CNGB3: variants seen among roughly 807,000 people sequenced by gnomAD.
CNGB3 encodes cyclic nucleotide-gated channel beta-3.
A neutral mutation model predicts 92.8 loss-of-function variants in CNGB3; 86 were observed. That is an observed-to-expected ratio of 0.93 (90% CI 0.78 to 1.11). The LOEUF is 1.11. CNGB3 is among the 50% of genes least tolerant of loss of function. The pLI, the probability that CNGB3 is intolerant of heterozygous loss-of-function variation, is 0.00. For missense variants in CNGB3, 1,026 were observed against 956.8 expected (o/e 1.07, Z -0.95); for synonymous variants, 333 against 332.7 (o/e 1.00, Z -0.01).
At chr8:86,694,111 TGGCCGGGCG>T (rs1824383827) in intron 3 of CNGB3, among the ~76,000 whole-genome samples, 1 of 100,260 alleles carries the variant, frequency 1.0e-5, no homozygotes, top group African/African-American at 4.0e-5. Flanking sequence ...ACGGGGCGGC[TGGCCGGGCG>T]GGGGGCTGAC....
At position 86,578,883 on chromosome 8, in the gene CNGB3, G is replaced by A; in HGVS notation, c.1929-20C>T. The A allele has an allele frequency of 6.2e-7, 1 of 1,614,042 alleles. No individual in the cohort carries two copies. ...AGCACTCTGTGGGTAAGAGAGAAAA[G>A]CTGTTTTAGGTAACTCTGTGAGAGT... On this transcript the variant is annotated intron_variant, in intron 16 of 17. Transcript: ENST00000320005.
At chr8:86,664,608 C>T (rs114837064) in intron 6 of CNGB3, among the ~76,000 whole-genome samples, 3,350 of 152,256 alleles carry the variant, frequency 0.022, 123 homozygotes, top group African/African-American at 0.077. Flanking sequence ...ATTGGATTGA[C>T]AATAAACTTC....
chr8:86,670,308 A>T (rs138860269), intron 4 of CNGB3, among the ~76,000 whole-genome samples: 1 of 152,098 alleles, frequency 6.6e-6, no homozygotes, highest in African/African-American at 2.4e-5. Context: ...GGTATTTTAA[A>T]TATTTACAAT....
intron 14 of CNGB3, among the ~76,000 whole-genome samples, chr8:86,604,505 G>A (rs1440930048): frequency 2.0e-5 from 3 of 152,170 alleles, no homozygotes; most frequent in Non-Finnish European, 4.4e-5. Flanking sequence ...ACCCTGGGTA[G>A]AGGAAGTAAT....
intron 13 of CNGB3, among the ~76,000 whole-genome samples, chr8:86,624,766 A>G (rs1822811894): frequency 6.6e-6 from 1 of 152,180 alleles, no homozygotes; most frequent in Non-Finnish European, 1.5e-5. Flanking sequence ...TTAACCTGTG[A>G]CATGGCTGGG....
intron 6 of CNGB3, among the ~76,000 whole-genome samples, chr8:86,661,022 G>A (rs1326473671): frequency 6.6e-6 from 1 of 152,088 alleles, no homozygotes; most frequent in African/African-American, 2.4e-5. Context: ...CCTCCCTAAA[G>A]TTCTACTTTC....
chr8:86,727,441 A>G (rs1170221313), intron 2 of CNGB3, among the ~76,000 whole-genome samples: 9 of 152,176 alleles, frequency 5.9e-5, no homozygotes, highest in Non-Finnish European at 1.2e-4. Flanking sequence ...TTTTGTTTTT[A>G]GCTTGACCAT....
At chr8:86,707,394 T>A (rs1212187365) in intron 3 of CNGB3, among the ~76,000 whole-genome samples, 2 of 152,196 alleles carry the variant, frequency 1.3e-5, no homozygotes, top group Non-Finnish European at 2.9e-5. Flanking sequence ...TGGTATTTTC[T>A]ACAGAGTGGT....
At chr8:86,619,728 CTTTTT>C (rs71275868) in intron 13 of CNGB3, among the ~76,000 whole-genome samples, 6 of 73,384 alleles carry the variant, frequency 8.2e-5, no homozygotes, top group African/African-American at 2.6e-4. Flanking sequence ...TGGTCTTGAC[CTTTTT>C]TTTTTTTTTT....
At chr8:86,634,614 G>A (rs1477854199) in intron 10 of CNGB3, among the ~76,000 whole-genome samples, 1 of 151,848 alleles carries the variant, frequency 6.6e-6, no homozygotes, top group East Asian at 1.9e-4. Flanking sequence ...TCCAGGTTTT[G>A]TTACAGAGGG....
In CNGB3 at chr8:86,600,776, A is replaced by ATTTTTT. The variant is rs533111246; in HGVS notation, c.1781+3311_1781+3316dup. Among the ~76,000 whole-genome samples the ATTTTTT allele has an allele frequency of 4.2e-3, 163 of 38,416 alleles. 19 individuals carry two copies. The highest frequency in any genetic ancestry group is 0.011 in the African/African-American group (121 of 10,762). The allele number at this position is 38,416 out of a possible 152,430, so 25.2% of individuals were successfully genotyped here. ...AGGTGCCCACCACCACGCTCGGCTA[A>ATTTTTT]TTTTTTTTTTTTTTTTTTTTTTTTT... On this transcript the variant is annotated intron_variant, in intron 15 of 17. Coordinates refer to ENST00000320005, the MANE Select transcript of CNGB3 (RefSeq NM_019098.5).
At chr8:86,717,071 C>A (rs530876564) in intron 3 of CNGB3, among the ~76,000 whole-genome samples, 2 of 152,134 alleles carry the variant, frequency 1.3e-5, no homozygotes, top group East Asian at 1.9e-4. Context: ...AAAAGCTATT[C>A]TTATATCAGA....
chr8:86,694,551 T>C (rs191993539), intron 3 of CNGB3, among the ~76,000 whole-genome samples: 7 of 148,344 alleles, frequency 4.7e-5, no homozygotes, highest in Non-Finnish European at 7.4e-5. Context: ...GACGGGGTGG[T>C]TGCCAGGCAT....
chr8:86,606,031 G>A (rs895770665), intron 14 of CNGB3, among the ~76,000 whole-genome samples: 5 of 152,008 alleles, frequency 3.3e-5, no homozygotes, highest in Non-Finnish European at 7.4e-5. Context: ...TATATGACTC[G>A]GTAATTAGAA....
intron 10 of CNGB3, among the ~76,000 whole-genome samples, chr8:86,636,476 G>A (rs1174469744): frequency 6.7e-6 from 1 of 149,500 alleles, no homozygotes; most frequent in Non-Finnish European, 1.5e-5. Context: ...GGAAGGCTGA[G>A]GCAGGAGAAT....
chr8:86,633,956 C>T (rs368830371), intron 10 of CNGB3, among the ~76,000 whole-genome samples: 1 of 152,080 alleles, frequency 6.6e-6, no homozygotes, highest in Non-Finnish European at 1.5e-5. Flanking sequence ...GGCAACTGAT[C>T]TAGAAATTTG....
At chr8:86,661,289 C>A in intron 6 of CNGB3, 1 of 345,008 alleles carries the variant, frequency 2.9e-6, no homozygotes. Flanking sequence ...GTTTAACATG[C>A]CAGTCATGTA....
intron 2 of CNGB3, among the ~76,000 whole-genome samples, chr8:86,735,027 T>G (rs1825220674): frequency 7.1e-6 from 1 of 141,334 alleles, no homozygotes; most frequent in Non-Finnish European, 1.5e-5. Flanking sequence ...CATGTCAAAT[T>G]CTCAAATGCC....
intron 3 of CNGB3, among the ~76,000 whole-genome samples, chr8:86,705,085 C>A (rs1824628095): frequency 6.6e-6 from 1 of 152,114 alleles, no homozygotes; most frequent in African/African-American, 2.4e-5. Context: ...ATAAACTCCT[C>A]CCCACACCTC....
Sources: allele counts gnomAD v4.1 joint callset (sites outside exome capture counted in the v4.1 genomes callset), GRCh38; gene constraint gnomAD v4.1.1; transcripts MANE v1.5; gene names NCBI Gene and HGNC (gene_info 2026-07-23, HGNC 2026-07-21).